The following SEMA3D variants were observed in gnomAD, a reference collection of about 807,000 sequenced individuals.
SEMA3D encodes semaphorin-3D.
Under a neutral mutation model 100.1 loss-of-function variants are expected in SEMA3D, and 84 were observed. The observed-to-expected ratio is 0.84, with a 90% CI of 0.70 to 1.01. The LOEUF (loss-of-function observed/expected upper bound fraction) is 1.01. SEMA3D is among the 50% of genes least tolerant of loss of function. The pLI is 0.00. For missense variants in SEMA3D, 875 were observed against 934.1 expected (o/e 0.94, Z 0.82); for synonymous variants, 312 against 320.7 (o/e 0.97, Z 0.29).
intron 1 of SEMA3D, among the ~76,000 whole-genome samples, chr7:85,178,303 G>A (rs1791297385): frequency 6.6e-6 from 1 of 152,200 alleles, no homozygotes. Context: ...TGGGTAACAG[G>A]CAGAGGTTGG....
intron 2 of SEMA3D, chr7:85,151,880 T>C (rs2116492917): frequency 4.4e-6 from 1 of 226,252 alleles, no homozygotes; most frequent in East Asian, 1.8e-4. Context: ...AATGAAAAAG[T>C]CCACAAAACT....
chr7:85,084,077 G>A (rs1001881129), intron 4 of SEMA3D, among the ~76,000 whole-genome samples: 6 of 151,336 alleles, frequency 4.0e-5, no homozygotes, highest in African/African-American at 1.5e-4. Context: ...AACCCGGGAG[G>A]TGGAGCTTGC....
chr7:85,102,896 A>C (rs563430737), intron 3 of SEMA3D, among the ~76,000 whole-genome samples: 74 of 152,206 alleles, frequency 4.9e-4, no homozygotes, highest in South Asian at 1.0e-3. Flanking sequence ...CCAACTTTAC[A>C]AGAAAAAACA....
chr7:85,090,307 A>G (rs746195779), intron 4 of SEMA3D, among the ~76,000 whole-genome samples: 1 of 152,162 alleles, frequency 6.6e-6, no homozygotes, highest in African/African-American at 2.4e-5. Context: ...CTGACAGTCC[A>G]TTACAGTAAC....
At chr7:85,140,968 A>G (rs1449465913) in intron 2 of SEMA3D, 4 of 606,186 alleles carry the variant, frequency 6.6e-6, no homozygotes, top group Non-Finnish European at 6.2e-6. Context: ...ATGCATATAC[A>G]TAAATGTATT....
the SEMA3D span, among the ~76,000 whole-genome samples, chr7:85,211,350 T>C: frequency 3.3e-5 from 5 of 152,078 alleles, no homozygotes; most frequent in Admixed American, 6.6e-5. Flanking sequence ...TCCCTCTCTC[T>C]TTCCTTTTGT....
chr7:85,084,453 T>TTA (rs1788160587), intron 4 of SEMA3D, among the ~76,000 whole-genome samples: 1 of 152,196 alleles, frequency 6.6e-6, no homozygotes, highest in African/African-American at 2.4e-5. Context: ...AAGGACAACT[T>TTA]TATATCATTG....
At chr7:85,226,989 C>T in the SEMA3D span, among the ~76,000 whole-genome samples, 6 of 152,106 alleles carry the variant, frequency 3.9e-5, no homozygotes, top group Non-Finnish European at 7.4e-5. Context: ...CCTTTATGTG[C>T]TTTCAAATAA....
chr7:85,068,550 T>C (rs1791688865), intron 6 of SEMA3D, among the ~76,000 whole-genome samples: 1 of 152,128 alleles, frequency 6.6e-6, no homozygotes, highest in South Asian at 2.1e-4. Context: ...CATCAATACA[T>C]TTAGTCTCCA....
the SEMA3D span, among the ~76,000 whole-genome samples, chr7:85,242,353 T>G: frequency 6.6e-6 from 1 of 152,202 alleles, no homozygotes; most frequent in Non-Finnish European, 1.5e-5. Context: ...TTTCACAAAT[T>G]TTGATAAGTT....
chr7:85,246,034 A>C, the SEMA3D span, among the ~76,000 whole-genome samples: 1 of 152,116 alleles, frequency 6.6e-6, no homozygotes, highest in Admixed American at 6.5e-5. Flanking sequence ...ACAAAATTTG[A>C]GTAGATGTTA....
intron 2 of SEMA3D, chr7:85,143,249 T>C (rs536351868): frequency 1.7e-6 from 1 of 600,760 alleles, no homozygotes; most frequent in African/African-American, 2.0e-5. Flanking sequence ...GTTAATACTT[T>C]TATTATAATT....
chr7:85,198,992 T>C, the SEMA3D span, among the ~76,000 whole-genome samples: 1 of 152,082 alleles, frequency 6.6e-6, no homozygotes, highest in Non-Finnish European at 1.5e-5. Flanking sequence ...ATGTAGTGTT[T>C]TCGTTAACAT....
chr7:85,186,417 C>T (rs1791552659), intron 1 of SEMA3D, among the ~76,000 whole-genome samples: 1 of 152,102 alleles, frequency 6.6e-6, no homozygotes, highest in African/African-American at 2.4e-5. Flanking sequence ...CAGAAGGCTC[C>T]GCAGCTGCTG....
chr7:85,144,681 A>G (rs564478425), intron 2 of SEMA3D: 2 of 985,296 alleles, frequency 2.0e-6, no homozygotes, highest in Non-Finnish European at 2.4e-6. Flanking sequence ...CTGGAGCCCA[A>G]AATTAAAGCT....
the SEMA3D span, among the ~76,000 whole-genome samples, chr7:85,238,744 T>A: frequency 6.6e-6 from 1 of 152,156 alleles, no homozygotes. Context: ...TTCTGAGCTA[T>A]TGTTTGGGAT....
intron 12 of SEMA3D, chr7:85,028,750 G>A (rs781755119): frequency 1.5e-5 from 3 of 201,762 alleles, no homozygotes; most frequent in Non-Finnish European, 2.0e-5. Context: ...TGAATGCTGA[G>A]CCTGTTCTGT....
Position 85,049,044 on chromosome 7 carries a change from G to A in SEMA3D, c.861+6673C>T, listed in dbSNP as rs536787460. Among the ~76,000 whole-genome samples the A allele has an allele frequency of 2.3e-4, 35 of 151,366 alleles. No individual in the cohort carries two copies. In the South Asian group the frequency reaches 6.0e-3, roughly 26 times the overall value. On this transcript the variant is annotated intron_variant, in intron 9 of 18. Transcript: ENST00000284136. ...TTTTTTTCCCACTTCTGATACTTAG[G>A]ATTCCCCCCAAAATTCTTGACATAT...
chr7:85,053,289 G>T (rs934863058), intron 9 of SEMA3D, among the ~76,000 whole-genome samples: 7 of 151,886 alleles, frequency 4.6e-5, no homozygotes, highest in Admixed American at 1.3e-4. Context: ...TTGCTTCTTA[G>T]ATCTTTACTT....
Sources: gnomAD v4.1 joint callset for allele counts (sites outside exome capture counted in the v4.1 genomes callset) on GRCh38, gnomAD v4.1.1 for gene constraint, MANE v1.5 for transcripts, NCBI Gene and HGNC (gene_info 2026-07-23, HGNC 2026-07-21) for gene names.